The following PPM1A variants were observed in gnomAD, a reference collection of about 807,000 sequenced individuals.
PPM1A encodes protein phosphatase, Mg2+/Mn2+ dependent 1A.
In PPM1A, 7 loss-of-function variants were observed where a neutral mutation model predicts 35.0. The observed-to-expected ratio is 0.20, with a 90% CI of 0.11 to 0.38. PPM1A has a LOEUF of 0.38. Ranked by LOEUF, PPM1A falls within the 10% of genes least tolerant of loss-of-function variation. The probability of loss-of-function intolerance (pLI) is 1.00; values close to 1 mark genes in which losing one functional copy is unlikely to be tolerated. For missense variants in PPM1A, 239 were observed against 467.8 expected (o/e 0.51, Z 4.51); for synonymous variants, 153 against 167.3 (o/e 0.91, Z 0.66).
rs1250863008 is a variant in PPM1A, at chr14:60,249,282, C to CA, written c.-415dup. On this transcript the variant is annotated 5_prime_UTR_variant, in exon 1 of 6. Transcript: ENST00000395076. The surrounding 1 kb of genome is among the most constrained non-coding windows in gnomAD (Gnocchi z 4.5). The stretch of plus-strand genomic sequence containing the variant: ...GGGAGCGCGCGCGGGAGCTAGAGAG[C>CA]AGTGGTCTCGGCGCTCGTCCGGCCC... The CA allele has an allele frequency of 1.0e-6, 1 of 967,090 alleles. No individual in the cohort carries two copies. Among genetic ancestry groups the CA allele is most frequent in the African/African-American group, 1.9e-5 (1 of 51,422 alleles). The allele number at this position is 967,090 out of a possible 1,614,324, so 59.9% of individuals were successfully genotyped here.
At position 60,293,907 on chromosome 14, in the gene PPM1A, A is replaced by G. The variant is rs1887861923; in HGVS notation, c.*1425A>G. The G allele has an allele frequency of 6.6e-6, 1 of 151,976 alleles. No homozygotes were observed. The highest frequency in any genetic ancestry group is 1.5e-5 in the Non-Finnish European group (1 of 67,884). 9.4% of individuals were successfully genotyped at this position (151,976 alleles called of 1,614,324 possible). ...TAAGCATGTGAAAGTAAGTTTTAAA[A>G]TCTGTCGCATTGAAAAGATTACTGT... On this transcript the variant is annotated 3_prime_UTR_variant, in exon 6 of 6. Coordinates refer to ENST00000395076, the MANE Select transcript of PPM1A (RefSeq NM_021003.5). This position sits in a 1 kb window ranked among gnomAD's most constrained non-coding sequence, Gnocchi z 4.0.
intron 1 of PPM1A, among the ~76,000 whole-genome samples, chr14:60,278,299 T>A (rs948716025): frequency 2.6e-5 from 4 of 151,790 alleles, no homozygotes; most frequent in Admixed American, 2.0e-4. Flanking sequence ...TTTTAAAAGA[T>A]TTCATGGTTT....
At chr14:60,256,197 A>C (rs937362212) in intron 1 of PPM1A, among the ~76,000 whole-genome samples, 17 of 152,148 alleles carry the variant, frequency 1.1e-4, no homozygotes, top group Admixed American at 2.0e-4. Flanking sequence ...GAGGCAGGTG[A>C]ATCACAAGGT....
chr14:60,288,626 A>G (rs1202967265), intron 3 of PPM1A: 1 of 847,824 alleles, frequency 1.2e-6, no homozygotes, highest in Admixed American at 6.2e-5. Flanking sequence ...ATAGATGGTA[A>G]AAATTTGGCC....
At chr14:60,246,067 T>A, upstream of PPM1A, 117 of 1,255,790 alleles carry the variant, frequency 9.3e-5, no homozygotes, top group Middle Eastern at 2.2e-4. Context: ...AGGAAGGAAT[T>A]GTTGAACCTA....
chr14:60,265,243 A>C lies in PPM1A; in HGVS notation c.-21+15566A>C, dbSNP rs147330191. On this transcript the variant is annotated intron_variant, in intron 1 of 5. Transcript: ENST00000395076. ...TCACTGGACACATAATTTCATCTAA[A>C]CCGTAGCCCCATGCAATGGTTAGTA... Among the ~76,000 whole-genome samples, 294 of 152,260 alleles carry C rather than the reference A, an allele frequency of 1.9e-3. 1 individual carries two copies. The highest frequency in any genetic ancestry group is 6.6e-3 in the African/African-American group (274 of 41,534).
intron 1 of PPM1A, among the ~76,000 whole-genome samples, chr14:60,254,480 G>C (rs1367931177): frequency 6.6e-6 from 1 of 152,108 alleles, no homozygotes; most frequent in Non-Finnish European, 1.5e-5. Flanking sequence ...TTGAAGAGGA[G>C]TTACAGTTTA....
chr14:60,259,164 T>C (rs989632183), intron 1 of PPM1A, among the ~76,000 whole-genome samples: 17 of 152,270 alleles, frequency 1.1e-4, no homozygotes, highest in Non-Finnish European at 1.5e-4. Flanking sequence ...TCACAATTCA[T>C]GAACTCAGTG....
chr14:60,248,829 G>C (rs1881966953), upstream of PPM1A: 1 of 152,472 alleles, frequency 6.6e-6, no homozygotes, highest in Admixed American at 6.5e-5. Context: ...ACTTGGCCAA[G>C]GGCCGGCACG....
At chr14:60,248,110 C>G (rs1881909108), upstream of PPM1A, among the ~76,000 whole-genome samples, 2 of 152,234 alleles carry the variant, frequency 1.3e-5, no homozygotes, top group African/African-American at 4.8e-5. Context: ...TGATGTACTG[C>G]TCCTAGGCTG....
intron 1 of PPM1A, among the ~76,000 whole-genome samples, chr14:60,269,978 C>G (rs1260574438): frequency 6.6e-6 from 1 of 152,178 alleles, no homozygotes; most frequent in African/African-American, 2.4e-5. Flanking sequence ...CAAGTTCAGT[C>G]TTTAGTTTAT....
chr14:60,266,004 G>GA (rs1282968652), intron 1 of PPM1A, among the ~76,000 whole-genome samples: 2 of 152,116 alleles, frequency 1.3e-5, no homozygotes, highest in Non-Finnish European at 1.5e-5. Context: ...ATACCCTTCA[G>GA]AAAGATACTA....
chr14:60,272,298 G>A (rs530303252), intron 1 of PPM1A, among the ~76,000 whole-genome samples: 1 of 151,322 alleles, frequency 6.6e-6, no homozygotes, highest in South Asian at 2.1e-4. Flanking sequence ...ATACTTGCTT[G>A]GCTGGAATTT....
chr14:60,297,702 C>T lies in PPM1A; in HGVS notation c.*5220C>T, dbSNP rs1888160721. 1 of 151,630 alleles carries T rather than the reference C, an allele frequency of 6.6e-6. No homozygotes were observed. The highest frequency in any genetic ancestry group is 2.4e-5 in the African/African-American group (1 of 41,380). The allele number at this position is 151,630 out of a possible 1,614,324, so 9.4% of individuals were successfully genotyped here. ...ATTGATGTAAGAGATCGGGTAGCTG[C>T]GGAACAAAATTAGTTATATCCTAAT... On this transcript the variant is annotated 3_prime_UTR_variant, in exon 6 of 6. Transcript: ENST00000395076.
In PPM1A at chr14:60,298,451, T is replaced by G. The variant is rs1366281757; in HGVS notation, c.*5969T>G. ...CACAGTTAATGAGATTTCTAAAATA[T>G]AATAAGTACAATGTAACAAACGTAT... is the stretch of plus-strand genomic sequence containing the variant. On this transcript the variant is annotated 3_prime_UTR_variant, in exon 6 of 6. Transcript: ENST00000395076. 1.3e-5 allele frequency: 2 copies of G among 151,744 alleles called. No individual in the cohort carries two copies. Among genetic ancestry groups the G allele is most frequent in the African/African-American group, 4.8e-5 (2 of 41,412 alleles). 9.4% of individuals were successfully genotyped at this position (151,744 alleles called of 1,614,324 possible).
At chr14:60,251,971 A>G (rs377419086) in intron 1 of PPM1A, among the ~76,000 whole-genome samples, 2 of 152,184 alleles carry the variant, frequency 1.3e-5, no homozygotes, top group South Asian at 2.1e-4. Context: ...TTTTTCTGTC[A>G]CTTCAAGCTG....
At chr14:60,258,377 A>T (rs1235831981) in intron 1 of PPM1A, among the ~76,000 whole-genome samples, 2 of 152,120 alleles carry the variant, frequency 1.3e-5, no homozygotes, top group African/African-American at 2.4e-5. Flanking sequence ...TCATCCATCC[A>T]TGAATGTTGA....
chr14:60,250,493 C>T lies in PPM1A; in HGVS notation c.-21+816C>T, dbSNP rs542983415. On this transcript the variant is annotated intron_variant, in intron 1 of 5. Transcript: ENST00000395076. ...TTTCATCACCTGAGGTATTTTTCTT[C>T]TCTCCTGAAACACCACATGGTACAA... The T allele has an allele frequency of 9.9e-6, 9 of 908,614 alleles. No individual in the cohort carries two copies. The South Asian group carries it at 2.0e-4, about 20-fold the overall frequency. The allele number at this position is 908,614 out of a possible 1,614,324, so 56.3% of individuals were successfully genotyped here.
chr14:60,257,930 T>C (rs1294860747), intron 1 of PPM1A, among the ~76,000 whole-genome samples: 1 of 152,178 alleles, frequency 6.6e-6, no homozygotes, highest in Admixed American at 6.5e-5. Context: ...AAATAAAATT[T>C]TCACTTTTTG....
Sources: allele counts gnomAD v4.1 joint callset (sites outside exome capture counted in the v4.1 genomes callset), GRCh38; gene constraint gnomAD v4.1.1; non-coding constraint Gnocchi (gnomAD v3.1); transcripts MANE v1.5; gene names NCBI Gene and HGNC (gene_info 2026-07-23, HGNC 2026-07-21).